Variants in SHLD1 observed in about 807,000 individuals in gnomAD.
SHLD1 encodes the protein shieldin complex subunit 1.
In SHLD1, 3 loss-of-function variants were observed where a neutral mutation model predicts 5.5. The ratio of observed to expected loss-of-function variants is 0.54; its 90% CI spans 0.25 to 1.40. The LOEUF (loss-of-function observed/expected upper bound fraction) is 1.40, where lower values mean the gene tolerates loss of function less well. Among genes scored for constraint, SHLD1 ranks in the 40% most tolerant of loss-of-function variants. SHLD1 has a pLI of 0.15. For synonymous variants in SHLD1, 92 were observed against 94.3 expected, an observed-to-expected ratio of 0.98 and a Z score of 0.14; for missense variants, 210 against 244.4, an observed-to-expected ratio of 0.86 and a Z score of 0.94.
chr20:5,756,144 C>T (rs530913803), intron 1 of SHLD1, among the ~76,000 whole-genome samples: 171 of 152,140 alleles, frequency 1.1e-3, no homozygotes, highest in African/African-American at 4.0e-3. Context: ...ACCCCCCTTT[C>T]CATCATCGCC....
At chr20:5,782,200 C>A (rs1484100484) in intron 2 of SHLD1, among the ~76,000 whole-genome samples, 2 of 152,144 alleles carry the variant, frequency 1.3e-5, no homozygotes, top group East Asian at 3.9e-4. Context: ...TTTTCTTTCT[C>A]GTTTGCTGCT....
At position 5,803,226 on chromosome 20, in the gene SHLD1, C is replaced by T. The variant is rs139070984; in HGVS notation, c.178+30183C>T. Among the ~76,000 whole-genome samples, 857 of 151,936 alleles carry T rather than the reference C, an allele frequency of 5.6e-3. 6 individuals carry two copies. Among genetic ancestry groups the T allele is most frequent in the African/African-American group, 0.019 (786 of 41,420 alleles). On this transcript the variant is annotated intron_variant, in intron 2 of 2. Coordinates refer to ENST00000303142, the MANE Select transcript of SHLD1 (RefSeq NM_152504.4). ...TGTTACCCAGGTTAGAGTATAGTGG[C>T]GTGATCATAACTCACTGCAGCTTTG...
At chr20:5,835,818 A>T (rs923384940) in intron 2 of SHLD1, among the ~76,000 whole-genome samples, 13 of 152,240 alleles carry the variant, frequency 8.5e-5, no homozygotes, top group African/African-American at 2.7e-4. Flanking sequence ...AAATTGTGTT[A>T]TACAGGAAAA....
At chr20:5,800,446 C>T (rs1055107992) in intron 2 of SHLD1, among the ~76,000 whole-genome samples, 2 of 152,166 alleles carry the variant, frequency 1.3e-5, no homozygotes, top group Non-Finnish European at 2.9e-5. Context: ...GTACTCCCAG[C>T]ACTTTGGGAG....
intron 2 of SHLD1, among the ~76,000 whole-genome samples, chr20:5,853,669 G>A (rs1406630929): frequency 2.0e-5 from 3 of 152,046 alleles, no homozygotes; most frequent in Non-Finnish European, 4.4e-5. Flanking sequence ...GTAGTCCAGG[G>A]TTGGGCTGCT....
intron 2 of SHLD1, among the ~76,000 whole-genome samples, chr20:5,823,442 GTTGTTTT>G (rs200065652): frequency 1.7e-5 from 2 of 118,534 alleles, no homozygotes; most frequent in Non-Finnish European, 3.8e-5. Flanking sequence ...CTTGTTTTTT[GTTGTTTT>G]TTGTTTTTTT....
rs547686559 is a variant in SHLD1, at chr20:5,807,549, T to C, written c.178+34506T>C. 5.3e-5 allele frequency among the ~76,000 whole-genome samples: 8 copies of C among 152,266 alleles called. No homozygotes were observed. In the South Asian group the frequency reaches 1.7e-3, roughly 32 times the overall value. On this transcript the variant is annotated intron_variant, in intron 2 of 2. Coordinates refer to ENST00000303142, the MANE Select transcript of SHLD1 (RefSeq NM_152504.4). ...CCATGCTTGGCTAAGTTTTTACATTTTTTTGTAGAGTTGAGGTCTCGTCAT... is the reference window on the plus strand; with the variant it reads ...CCATGCTTGGCTAAGTTTTTACATTCTTTTGTAGAGTTGAGGTCTCGTCAT...
intron 2 of SHLD1, among the ~76,000 whole-genome samples, chr20:5,859,539 G>A (rs192336265): frequency 1.3e-5 from 2 of 152,264 alleles, no homozygotes; most frequent in African/African-American, 2.4e-5. Flanking sequence ...CACTGAGCAC[G>A]AACTGACTAG....
At chr20:5,812,109 CG>C (rs2087468056) in intron 2 of SHLD1, among the ~76,000 whole-genome samples, 1 of 146,358 alleles carries the variant, frequency 6.8e-6, no homozygotes, top group East Asian at 2.0e-4. Context: ...TTTGAGGACC[CG>C]ACCTTTTATT....
At position 5,776,679 on chromosome 20, in the gene SHLD1, C is replaced by T. The variant is rs551623630; in HGVS notation, c.178+3636C>T. On this transcript the variant is annotated intron_variant, in intron 2 of 2. Coordinates refer to ENST00000303142, the MANE Select transcript of SHLD1 (RefSeq NM_152504.4). ...TCGGGGGCCTGAGGCAGGAGAATCA[C>T]TTGAACCCAGGAGGTGGAGGTTGTA... Among the ~76,000 whole-genome samples the T allele has an allele frequency of 5.1e-4, 77 of 152,220 alleles. 1 individual carries two copies. The South Asian group carries it at 0.015, about 30-fold the overall frequency.
intron 2 of SHLD1, among the ~76,000 whole-genome samples, chr20:5,789,155 A>C (rs2122297724): frequency 6.6e-6 from 1 of 151,990 alleles, no homozygotes; most frequent in Middle Eastern, 3.4e-3. Context: ...AAAAAGAAGA[A>C]AAGAAAAAGT....
At chr20:5,812,737 G>C (rs543013124) in intron 2 of SHLD1, among the ~76,000 whole-genome samples, 2 of 152,166 alleles carry the variant, frequency 1.3e-5, no homozygotes, top group Non-Finnish European at 2.9e-5. Flanking sequence ...TTACAGGGTT[G>C]TGAATGTTGT....
At chr20:5,794,249 T>C (rs1257985754) in intron 2 of SHLD1, among the ~76,000 whole-genome samples, 1 of 152,160 alleles carries the variant, frequency 6.6e-6, no homozygotes, top group East Asian at 1.9e-4. Flanking sequence ...TCATGAGGAT[T>C]GAGTGAGACA....
intron 2 of SHLD1, among the ~76,000 whole-genome samples, chr20:5,842,796 T>A (rs1490806213): frequency 2.0e-5 from 3 of 152,230 alleles, no homozygotes; most frequent in Non-Finnish European, 4.4e-5. Context: ...GAGGTATAAA[T>A]ACCTATTACT....
intron 2 of SHLD1, among the ~76,000 whole-genome samples, chr20:5,843,450 A>C (rs960294468): frequency 6.6e-6 from 1 of 151,010 alleles, no homozygotes; most frequent in Non-Finnish European, 1.5e-5. Flanking sequence ...TTTGTTCTCT[A>C]GTTCACTTTT....
In SHLD1 at chr20:5,863,548, C is replaced by G; in HGVS notation, c.*85C>G. On this transcript the variant is annotated 3_prime_UTR_variant, in exon 3 of 3. Coordinates refer to ENST00000303142, the MANE Select transcript of SHLD1 (RefSeq NM_152504.4). ...GGTGGCCACCCAGATCCCCTAGGGT[C>G]TCTGGCCAGCTCTGTGTGCCCAATC... 7.6e-7 allele frequency: 1 copy of G among 1,311,982 alleles called. No homozygotes were observed. The highest frequency in any genetic ancestry group is 1.0e-6 in the Non-Finnish European group (1 of 952,552). 81.3% of individuals were successfully genotyped at this position (1,311,982 alleles called of 1,614,324 possible). A position where few individuals can be genotyped will look rare whatever the true frequency, so the allele number is the denominator to read the frequency against.
At chr20:5,773,096 G>T in intron 2 of SHLD1, 53 bp downstream of exon 2, 1 of 1,574,546 alleles carries the variant, frequency 6.4e-7, no homozygotes, top group East Asian at 2.2e-5. Context: ...GCAGCAATAC[G>T]GGTGTGTGAT....
intron 1 of SHLD1, among the ~76,000 whole-genome samples, chr20:5,762,627 G>T (rs181459947): frequency 6.6e-6 from 1 of 152,176 alleles, no homozygotes; most frequent in African/African-American, 2.4e-5. Context: ...TGTGGGGGAG[G>T]CACTTGTCAT....
chr20:5,793,537 A>G (rs1454713255), intron 2 of SHLD1, among the ~76,000 whole-genome samples: 2 of 152,190 alleles, frequency 1.3e-5, no homozygotes, highest in Admixed American at 1.3e-4. Flanking sequence ...TAGGAAAACC[A>G]TTCTTGCTTT....
Sources: allele counts gnomAD v4.1 joint callset (sites outside exome capture counted in the v4.1 genomes callset), GRCh38; gene constraint gnomAD v4.1.1; transcripts MANE v1.5; gene names NCBI Gene and HGNC (gene_info 2026-07-23, HGNC 2026-07-21).